NRG1: variants seen among roughly 807,000 people sequenced by gnomAD.
NRG1 encodes pro-neuregulin-1, membrane-bound isoform.
Under a neutral mutation model 63.8 loss-of-function variants are expected in NRG1, and 18 were observed. The ratio of observed to expected loss-of-function variants is 0.28; its 90% CI spans 0.19 to 0.42. The LOEUF is 0.42. Ranked by LOEUF, NRG1 falls within the 10% of genes least tolerant of loss-of-function variation. The pLI, the probability that NRG1 is intolerant of heterozygous loss-of-function variation, is 1.00. For synonymous variants in NRG1, 302 were observed against 301.3 expected (o/e 1.00, Z -0.02); for missense variants, 762 against 814.7 (o/e 0.94, Z 0.79).
At position 32,762,234 on chromosome 8, in the gene NRG1, A is replaced by C. The variant is rs539484228; in HGVS notation, c.1260-1514A>C. Among the ~76,000 whole-genome samples the C allele has an allele frequency of 1.2e-4, 19 of 152,198 alleles. No individual in the cohort carries two copies. In the South Asian group the frequency reaches 3.7e-3, roughly 30 times the overall value. On this transcript the variant is annotated intron_variant, in intron 11 of 11. Coordinates refer to ENST00000356819, the Ensembl canonical transcript of NRG1. Reference sequence around the variant, plus strand: ...TTAGTCTTAAATTCATATTTTTTTAATGTATTAAGGAAGTCTATCCATTCT... The same window carrying C: ...TTAGTCTTAAATTCATATTTTTTTACTGTATTAAGGAAGTCTATCCATTCT...
chr8:32,183,345 GT>G (rs1451952631), intron 1 of NRG1, among the ~76,000 whole-genome samples: 1 of 152,162 alleles, frequency 6.6e-6, no homozygotes, highest in East Asian at 1.9e-4. Flanking sequence ...CTTTCTTCCT[GT>G]TCCCGTCTCC....
intron 1 of NRG1, among the ~76,000 whole-genome samples, chr8:32,349,526 T>C (rs958488922): frequency 6.6e-6 from 1 of 152,120 alleles, no homozygotes; most frequent in Non-Finnish European, 1.5e-5. Flanking sequence ...TTGCCAATAT[T>C]TGGGAGTTTC....
chr8:32,239,267 A>G (rs922353552), intron 1 of NRG1, among the ~76,000 whole-genome samples: 2 of 107,420 alleles, frequency 1.9e-5, no homozygotes, highest in African/African-American at 4.1e-5. Flanking sequence ...AATGGAGGAA[A>G]GATGAGCTTT....
intron 1 of NRG1, among the ~76,000 whole-genome samples, chr8:32,305,024 C>CATAAAA (rs1005974034): frequency 1.3e-5 from 2 of 151,696 alleles, no homozygotes; most frequent in African/African-American, 4.8e-5. Flanking sequence ...CCAATAAATA[C>CATAAAA]ATAAAAATAA....
chr8:32,499,015 T>C (rs940825708), intron 1 of NRG1, among the ~76,000 whole-genome samples: 4 of 152,188 alleles, frequency 2.6e-5, no homozygotes, highest in Non-Finnish European at 5.9e-5. Flanking sequence ...GCTGAGTTGG[T>C]GGCTATAAAG....
chr8:31,722,007 TCTTTCCAAACTTTC>T (rs1812966036), intron 1 of NRG1, among the ~76,000 whole-genome samples: 1 of 152,138 alleles, frequency 6.6e-6, no homozygotes. Context: ...CACTCTTATA[TCTTTCCAAACTTTC>T]CTTTCCATCT....
intron 1 of NRG1, among the ~76,000 whole-genome samples, chr8:31,701,208 G>C (rs919874303): frequency 6.6e-6 from 1 of 152,018 alleles, no homozygotes; most frequent in Non-Finnish European, 1.5e-5. Context: ...ATTTGGTCTA[G>C]TCCAAGTAAT....
intron 1 of NRG1, among the ~76,000 whole-genome samples, chr8:31,770,576 T>A (rs1005477571): frequency 6.6e-6 from 1 of 150,694 alleles, no homozygotes; most frequent in Non-Finnish European, 1.5e-5. Context: ...ATGAGAACAC[T>A]TGGACACAGG....
chr8:32,077,854 G>A (rs1826832630), intron 1 of NRG1, among the ~76,000 whole-genome samples: 1 of 152,132 alleles, frequency 6.6e-6, no homozygotes, highest in Non-Finnish European at 1.5e-5. Context: ...GTGAGGCTTG[G>A]ATGAGGCTTT....
intron 1 of NRG1, among the ~76,000 whole-genome samples, chr8:31,682,888 T>C (rs1237841319): frequency 6.6e-6 from 1 of 152,162 alleles, no homozygotes; most frequent in Non-Finnish European, 1.5e-5. Flanking sequence ...AGAAACAGAA[T>C]TGGTGATAAT....
At chr8:31,859,002 A>C (rs1828218681) in intron 1 of NRG1, among the ~76,000 whole-genome samples, 1 of 152,186 alleles carries the variant, frequency 6.6e-6, no homozygotes, top group Non-Finnish European at 1.5e-5. Flanking sequence ...TGAAGTATAG[A>C]TTTTTATGCT....
intron 1 of NRG1, among the ~76,000 whole-genome samples, chr8:32,324,295 G>A (rs939615228): frequency 6.6e-6 from 1 of 152,188 alleles, no homozygotes; most frequent in Non-Finnish European, 1.5e-5. Flanking sequence ...CTGTAAGCCG[G>A]GGGTATCTCC....
At chr8:31,697,126 A>G (rs1810150594) in intron 1 of NRG1, among the ~76,000 whole-genome samples, 1 of 152,206 alleles carries the variant, frequency 6.6e-6, no homozygotes, top group African/African-American at 2.4e-5. Context: ...AATTTAAGCC[A>G]GAATTCAAGG....
At chr8:32,721,727 A>G in intron 5 of NRG1, 1 of 734,054 alleles carries the variant, frequency 1.4e-6, no homozygotes, top group African/African-American at 1.8e-5. Flanking sequence ...CCAGAATGAC[A>G]AGGCTTCCGT....
chr8:32,259,359 G>C (rs1850104589), intron 1 of NRG1, among the ~76,000 whole-genome samples: 1 of 152,084 alleles, frequency 6.6e-6, no homozygotes, highest in Non-Finnish European at 1.5e-5. Context: ...TCACAGGAGT[G>C]GGTTAGTTAT....
intron 1 of NRG1, among the ~76,000 whole-genome samples, chr8:32,098,513 G>A (rs1206526765): frequency 6.6e-6 from 1 of 152,184 alleles, no homozygotes; most frequent in Non-Finnish European, 1.5e-5. Context: ...TTGTTTCCTG[G>A]AAGTGTTTGA....
chr8:32,619,469 G>GTGTGGAATC (rs1201439039), intron 5 of NRG1, among the ~76,000 whole-genome samples: 6 of 152,148 alleles, frequency 3.9e-5, no homozygotes, highest in African/African-American at 1.4e-4. Flanking sequence ...GAATCACTCT[G>GTGTGGAATC]GCTCCTGTGT....
intron 1 of NRG1, among the ~76,000 whole-genome samples, chr8:31,863,619 C>T (rs1828677753): frequency 6.6e-6 from 1 of 152,174 alleles, no homozygotes; most frequent in Non-Finnish European, 1.5e-5. Context: ...CCACTTATAT[C>T]CAGCTACCTG....
chr8:31,770,178 T>G (rs1818470507), intron 1 of NRG1, among the ~76,000 whole-genome samples: 1 of 152,168 alleles, frequency 6.6e-6, no homozygotes. Flanking sequence ...AAGAGATGTT[T>G]TATCTTTGAC....
Sources: gnomAD v4.1 joint callset for allele counts (sites outside exome capture counted in the v4.1 genomes callset) on GRCh38, gnomAD v4.1.1 for gene constraint, MANE v1.5 for transcripts, NCBI Gene and HGNC (gene_info 2026-07-23, HGNC 2026-07-21) for gene names.